PLEKHM3: variants seen among roughly 807,000 people sequenced by gnomAD.
PLEKHM3 encodes pleckstrin homology domain containing M3.
PLEKHM3 carries 45 observed loss-of-function variants against 81.8 expected under a neutral mutation model. That is an observed-to-expected ratio of 0.55 (90% CI 0.43 to 0.71). The LOEUF (loss-of-function observed/expected upper bound fraction) is 0.71, where lower values mean the gene tolerates loss of function less well. Ranked by LOEUF, PLEKHM3 falls within the 30% of genes least tolerant of loss-of-function variation. PLEKHM3 has a pLI of 0.00. For missense variants in PLEKHM3, 788 were observed against 924.3 expected, an observed-to-expected ratio of 0.85 and a Z score of 1.91; for synonymous variants, 352 against 356.4, an observed-to-expected ratio of 0.99 and a Z score of 0.14.
rs564109641 is a variant in PLEKHM3 at position 207,908,238 on chromosome 2, C to CT, written c.1950+275dup. On this transcript the variant is annotated intron_variant, in intron 6 of 7. Coordinates refer to ENST00000427836, the MANE Select transcript of PLEKHM3 (RefSeq NM_001080475.3). ...AAAATTGTTGGGTCATATGGTAACT[C>CT]TATGTTTAACTTTTTAACTGTTCCA... Among the ~76,000 whole-genome samples, 323 of 152,264 alleles carry CT rather than the reference C, an allele frequency of 2.1e-3. 1 individual carries two copies. Among genetic ancestry groups the CT allele is most frequent in the African/African-American group, 7.3e-3 (304 of 41,540 alleles).
chr2:207,885,364 C>T (rs1238763631), intron 6 of PLEKHM3, among the ~76,000 whole-genome samples: 2 of 152,166 alleles, frequency 1.3e-5, no homozygotes, highest in Non-Finnish European at 2.9e-5. Flanking sequence ...GTGCTTCAGC[C>T]CTGCTCTTCT....
chr2:207,922,735 C>T (rs1468257199), intron 5 of PLEKHM3, among the ~76,000 whole-genome samples: 1 of 152,066 alleles, frequency 6.6e-6, no homozygotes, highest in Middle Eastern at 3.4e-3. Flanking sequence ...TGGTGTGAAC[C>T]CGGGAGGCAG....
intron 7 of PLEKHM3, among the ~76,000 whole-genome samples, chr2:207,853,662 A>C (rs1451215766): frequency 6.6e-6 from 1 of 152,022 alleles, no homozygotes; most frequent in East Asian, 1.9e-4. Context: ...TGAACCCAGG[A>C]GGTGGAGGTT....
chr2:207,959,588 A>G (rs2105994580), intron 3 of PLEKHM3, among the ~76,000 whole-genome samples: 1 of 152,124 alleles, frequency 6.6e-6, no homozygotes, highest in South Asian at 2.1e-4. Flanking sequence ...CCCATTCCTA[A>G]TGCCTGCTTC....
Position 207,877,515 on chromosome 2 carries a change from G to A in PLEKHM3, c.1951-16253C>T, listed in dbSNP as rs78015144. Reference sequence around the variant, plus strand: ...CTGTCCTTCATGAATGTGACTAATTGAAGAAAAAGGATTTTACTTCGTTCC... The same window carrying A: ...CTGTCCTTCATGAATGTGACTAATTAAAGAAAAAGGATTTTACTTCGTTCC... On this transcript the variant is annotated intron_variant, in intron 6 of 7. Transcript: ENST00000427836. Among the ~76,000 whole-genome samples, 9 of 152,238 alleles carry A rather than the reference G, an allele frequency of 5.9e-5. No homozygotes were observed. The East Asian group carries it at 1.5e-3, about 26-fold the overall frequency.
At chr2:207,995,910 A>T (rs1209935220) in intron 2 of PLEKHM3, among the ~76,000 whole-genome samples, 2 of 152,210 alleles carry the variant, frequency 1.3e-5, no homozygotes. Flanking sequence ...ATAATCTTCT[A>T]TAAAGAAACA....
chr2:207,961,905 C>A (rs1316879854), intron 3 of PLEKHM3, among the ~76,000 whole-genome samples: 3 of 152,206 alleles, frequency 2.0e-5, no homozygotes. Context: ...AAATTACACA[C>A]ATCATTCATC....
At position 207,865,227 on chromosome 2, in the gene PLEKHM3, C is replaced by T. The variant is rs538896348; in HGVS notation, c.1951-3965G>A. Among the ~76,000 whole-genome samples the T allele has an allele frequency of 2.0e-4, 30 of 152,246 alleles. No individual in the cohort carries two copies. The East Asian group carries it at 5.0e-3, about 25-fold the overall frequency. ...AATGACTCATTTTCTCCATTAAATA[C>T]GTATATCCCGTCATTCACCACATTT... On this transcript the variant is annotated intron_variant, in intron 6 of 7. Coordinates refer to ENST00000427836, the MANE Select transcript of PLEKHM3 (RefSeq NM_001080475.3).
chr2:207,840,609 C>T (rs1271299422), intron 7 of PLEKHM3, among the ~76,000 whole-genome samples: 3 of 152,062 alleles, frequency 2.0e-5, no homozygotes, highest in Non-Finnish European at 4.4e-5. Flanking sequence ...TAGTTTTTGG[C>T]CATTTGCATA....
intron 6 of PLEKHM3, among the ~76,000 whole-genome samples, chr2:207,886,912 A>G (rs1235227744): frequency 6.6e-6 from 1 of 152,200 alleles, no homozygotes; most frequent in Non-Finnish European, 1.5e-5. Context: ...TGACCTTGCC[A>G]TGTACCAGCT....
chr2:208,001,666 T>C lies in PLEKHM3; in HGVS notation c.-27A>G, dbSNP rs755963965. ...TCACAGGCTCCAGGAGGCCTTAGCC[T>C]CCTAAGCTGGTTCCAGAAATGGCTT... On this transcript the variant is annotated 5_prime_UTR_variant, in exon 2 of 8. Coordinates refer to ENST00000427836, the MANE Select transcript of PLEKHM3 (RefSeq NM_001080475.3). The C allele has an allele frequency of 6.3e-7, 1 of 1,580,980 alleles. No homozygotes were observed. The highest frequency in any genetic ancestry group is 8.6e-7 in the Non-Finnish European group (1 of 1,167,132).
rs17459364 is a variant in PLEKHM3 at position 207,925,482 on chromosome 2, T to C, written c.1886+5444A>G. On this transcript the variant is annotated intron_variant, in intron 5 of 7. Coordinates refer to ENST00000427836, the MANE Select transcript of PLEKHM3 (RefSeq NM_001080475.3). ...GCTAATATTTCCTGAGAGCTTGCTC[T>C]GTTCTGGGCATTAAATCCCTGAATC... 4.3e-3 allele frequency among the ~76,000 whole-genome samples: 661 copies of C among 152,152 alleles called. 2 individuals are homozygous for C. The highest frequency in any genetic ancestry group is 4.5e-3 in the Non-Finnish European group (307 of 68,030).
intron 3 of PLEKHM3, among the ~76,000 whole-genome samples, chr2:207,974,769 G>A (rs1249866857): frequency 6.6e-6 from 1 of 151,764 alleles, no homozygotes; most frequent in Non-Finnish European, 1.5e-5. Context: ...TTTTCCAAAA[G>A]TATCTGGGTG....
chr2:207,923,905 A>ATATATATATATATATTT (rs1396762429), intron 5 of PLEKHM3, among the ~76,000 whole-genome samples: 1 of 28,340 alleles, frequency 3.5e-5, no homozygotes, highest in Non-Finnish European at 6.4e-5. Flanking sequence ...ATATATATAT[A>ATATATATATATATATTT]TTTTTTTTTT....
At chr2:208,011,865 T>A (rs1692708857) in intron 1 of PLEKHM3, among the ~76,000 whole-genome samples, 2 of 140,766 alleles carry the variant, frequency 1.4e-5, no homozygotes, top group Admixed American at 1.5e-4. Context: ...TGGTGTGATC[T>A]CGGCTCACGG....
rs1254749970 is a variant in PLEKHM3, at chr2:207,843,745, T to C, written c.2109-15249A>G. 4.6e-5 allele frequency among the ~76,000 whole-genome samples: 7 copies of C among 152,142 alleles called. No homozygotes were observed. Among genetic ancestry groups the C allele is most frequent in the Admixed American group, 4.6e-4 (7 of 15,260 alleles). On this transcript the variant is annotated intron_variant, in intron 7 of 7. Transcript: ENST00000427836. This position sits in a 1 kb window ranked among gnomAD's most constrained non-coding sequence, Gnocchi z 4.4. ...GATATAAATTGCTTTTCCCCCAGTC[T>C]TTTCATTTAAATTTCCTTTCCACCA...
chr2:207,953,931 T>C (rs1316561766), intron 3 of PLEKHM3, among the ~76,000 whole-genome samples: 1 of 152,206 alleles, frequency 6.6e-6, no homozygotes, highest in Non-Finnish European at 1.5e-5. Flanking sequence ...CAGCTGGCAC[T>C]TGTAGAATGG....
intron 6 of PLEKHM3, among the ~76,000 whole-genome samples, chr2:207,871,611 C>T (rs1000829610): frequency 6.6e-6 from 1 of 152,174 alleles, no homozygotes; most frequent in Non-Finnish European, 1.5e-5. Context: ...AGGCACATTT[C>T]TTATCCAGAA....
chr2:208,001,856 A>G lies in PLEKHM3; in HGVS notation c.-217T>C. ...GTGGCTAATGGGCATTAACAGATGTATAGGGAGACCAAATGTTCCTTTGAG... is the reference window on the plus strand; with the variant it reads ...GTGGCTAATGGGCATTAACAGATGTGTAGGGAGACCAAATGTTCCTTTGAG... On this transcript the variant is annotated 5_prime_UTR_variant, in exon 2 of 8. Coordinates refer to ENST00000427836, the MANE Select transcript of PLEKHM3 (RefSeq NM_001080475.3). 1 of 609,602 alleles carries G rather than the reference A, an allele frequency of 1.6e-6. No individual in the cohort carries two copies. Among genetic ancestry groups the G allele is most frequent in the South Asian group, 2.5e-5 (1 of 40,776 alleles). The allele number at this position is 609,602 out of a possible 1,614,324, so 37.8% of individuals were successfully genotyped here.
Sources: gnomAD v4.1 joint callset for allele counts (sites outside exome capture counted in the v4.1 genomes callset) on GRCh38, gnomAD v4.1.1 for gene constraint, Gnocchi (gnomAD v3.1) non-coding constraint, MANE v1.5 for transcripts, NCBI Gene and HGNC (gene_info 2026-07-23, HGNC 2026-07-21) for gene names.